SNTG2: variants seen among roughly 807,000 people sequenced by gnomAD.
SNTG2 encodes gamma-2-syntrophin.
In SNTG2, 74 loss-of-function variants were observed where a neutral mutation model predicts 70.9. The ratio of observed to expected loss-of-function variants is 1.04; its 90% CI spans 0.86 to 1.27. SNTG2 has a LOEUF of 1.27. Ranked by LOEUF, SNTG2 falls within the 50% of genes most tolerant of loss-of-function variation. The probability of loss-of-function intolerance (pLI) is 0.00; values close to 1 mark genes in which losing one functional copy is unlikely to be tolerated. For missense variants in SNTG2, 717 were observed against 690.7 expected (o/e 1.04, Z -0.43); for synonymous variants, 278 against 273.8 (o/e 1.02, Z -0.15).
chr2:1,057,993 C>T (rs935386326), intron 1 of SNTG2, among the ~76,000 whole-genome samples: 3 of 152,048 alleles, frequency 2.0e-5, no homozygotes, highest in East Asian at 1.9e-4. Flanking sequence ...CGCCACTGCA[C>T]TCCAGCTTGG....
intron 6 of SNTG2, among the ~76,000 whole-genome samples, chr2:1,141,237 G>GCA (rs1668729628): frequency 2.0e-5 from 3 of 152,190 alleles, no homozygotes; most frequent in African/African-American, 7.2e-5. Flanking sequence ...TCCATTTAAT[G>GCA]ACATGTGTTA....
At chr2:1,233,518 C>T (rs1490100605) in intron 9 of SNTG2, among the ~76,000 whole-genome samples, 1 of 152,116 alleles carries the variant, frequency 6.6e-6, no homozygotes, top group Non-Finnish European at 1.5e-5. Context: ...TGGGGCTTTT[C>T]CCGGCAGGAG....
At chr2:1,131,799 C>T (rs1255289833) in intron 4 of SNTG2, among the ~76,000 whole-genome samples, 5 of 151,822 alleles carry the variant, frequency 3.3e-5, no homozygotes, top group South Asian at 2.1e-4. Flanking sequence ...CTACAGGCGA[C>T]GCCACCACGC....
At chr2:1,250,552 C>T (rs1042278187) in intron 12 of SNTG2, among the ~76,000 whole-genome samples, 1 of 152,090 alleles carries the variant, frequency 6.6e-6, no homozygotes, top group Non-Finnish European at 1.5e-5. Context: ...TTGCTCCTCT[C>T]AAGGTCTCTC....
intron 9 of SNTG2, among the ~76,000 whole-genome samples, chr2:1,229,369 G>C (rs1203952467): frequency 6.6e-6 from 1 of 152,200 alleles, no homozygotes; most frequent in Non-Finnish European, 1.5e-5. Context: ...TAGATACAGA[G>C]TGTCCATTGG....
chr2:1,293,543 G>T (rs1308063492), intron 14 of SNTG2, among the ~76,000 whole-genome samples: 2 of 150,360 alleles, frequency 1.3e-5, no homozygotes, highest in African/African-American at 2.5e-5. Flanking sequence ...TGTGAATTCT[G>T]GTGTGTTGTG....
chr2:995,623 T>G lies in SNTG2; in HGVS notation c.72+44555T>G, dbSNP rs1368046965. The stretch of plus-strand genomic sequence containing the variant: ...TTTTTAGAAGAGTTTGTGAAGAATT[T>G]GTATTCATTATTATTTAAATATTTG... On this transcript the variant is annotated intron_variant, in intron 1 of 16. Coordinates refer to ENST00000308624, the MANE Select transcript of SNTG2 (RefSeq NM_018968.4). Among the ~76,000 whole-genome samples, 4 of 152,180 alleles carry G rather than the reference T, an allele frequency of 2.6e-5. No individual in the cohort carries two copies. In the East Asian group the frequency reaches 7.7e-4, roughly 29 times the overall value.
intron 2 of SNTG2, among the ~76,000 whole-genome samples, chr2:1,084,566 C>G (rs998391229): frequency 6.6e-5 from 10 of 152,320 alleles, no homozygotes; most frequent in Admixed American, 2.6e-4. Flanking sequence ...GGAACCCCAG[C>G]CCCAGAACCA....
intron 9 of SNTG2, among the ~76,000 whole-genome samples, chr2:1,235,006 C>T (rs28675277): frequency 0.22 from 33,527 of 152,236 alleles, 5,867 homozygotes; most frequent in African/African-American, 0.48. Flanking sequence ...AAGACACTGT[C>T]GTTAGTACAT....
intron 16 of SNTG2, among the ~76,000 whole-genome samples, chr2:1,360,927 G>A (rs1661108083): frequency 6.6e-6 from 1 of 152,178 alleles, no homozygotes; most frequent in African/African-American, 2.4e-5. Context: ...TCTTACTTAA[G>A]AGAGTTCTTT....
chr2:1,273,829 C>A (rs921808653), intron 14 of SNTG2, among the ~76,000 whole-genome samples: 36 of 151,994 alleles, frequency 2.4e-4, no homozygotes, highest in Non-Finnish European at 4.0e-4. Flanking sequence ...TTAAAAGCAA[C>A]TATTATTTGA....
chr2:1,146,441 G>A (rs982002431), intron 6 of SNTG2, among the ~76,000 whole-genome samples: 10 of 152,100 alleles, frequency 6.6e-5, no homozygotes, highest in African/African-American at 2.4e-4. Flanking sequence ...TCATGAATAG[G>A]GAGACTCAAT....
chr2:1,119,551 C>CT (rs1558423323), intron 4 of SNTG2, among the ~76,000 whole-genome samples: 1 of 129,294 alleles, frequency 7.7e-6, no homozygotes. Flanking sequence ...GTTAAAGGCT[C>CT]GTTTTTTTTT....
At chr2:991,370 ATT>A (rs1661484126) in intron 1 of SNTG2, among the ~76,000 whole-genome samples, 2 of 48,984 alleles carry the variant, frequency 4.1e-5, no homozygotes, top group African/African-American at 2.5e-4. Context: ...GTTCTGTAAT[ATT>A]ACACACACAC....
chr2:1,322,185 A>G (rs994120392), intron 16 of SNTG2, among the ~76,000 whole-genome samples: 5 of 152,244 alleles, frequency 3.3e-5, no homozygotes, highest in African/African-American at 1.2e-4. Context: ...GGCAACAAGC[A>G]AGTGTATTAT....
At chr2:1,357,808 G>A (rs757568534) in intron 16 of SNTG2, among the ~76,000 whole-genome samples, 5 of 151,674 alleles carry the variant, frequency 3.3e-5, no homozygotes, top group Non-Finnish European at 7.4e-5. Flanking sequence ...GTATATAATT[G>A]TTCACAGTAG....
At chr2:1,114,415 A>C (rs908092089) in intron 4 of SNTG2, among the ~76,000 whole-genome samples, 1 of 151,744 alleles carries the variant, frequency 6.6e-6, no homozygotes, top group African/African-American at 2.4e-5. Flanking sequence ...AATCATGTGT[A>C]CTAAGTGAGG....
chr2:981,930 A>T (rs560704493), intron 1 of SNTG2, among the ~76,000 whole-genome samples: 167 of 152,282 alleles, frequency 1.1e-3, no homozygotes, highest in Non-Finnish European at 2.0e-3. Context: ...ATGCACACTC[A>T]CATGCACATG....
chr2:1,281,025 T>C (rs1022410762), intron 14 of SNTG2, among the ~76,000 whole-genome samples: 1 of 152,232 alleles, frequency 6.6e-6, no homozygotes, highest in Non-Finnish European at 1.5e-5. Context: ...TTACTCCAAG[T>C]AGTTTTTTAT....
Sources: allele counts gnomAD v4.1 joint callset (sites outside exome capture counted in the v4.1 genomes callset), GRCh38; gene constraint gnomAD v4.1.1; transcripts MANE v1.5; gene names NCBI Gene and HGNC (gene_info 2026-07-23, HGNC 2026-07-21).